PANX1: variants seen among roughly 807,000 people sequenced by gnomAD.
The protein encoded by PANX1 is pannexin 1.
In PANX1, 30 loss-of-function variants were observed where a neutral mutation model predicts 38.7. The ratio of observed to expected loss-of-function variants is 0.78; its 90% CI spans 0.58 to 1.05. The LOEUF is 1.05. PANX1 is among the 50% of genes least tolerant of loss of function. PANX1 has a pLI of 0.00. For missense variants in PANX1, 551 were observed against 517.2 expected (o/e 1.07, Z -0.63); for synonymous variants, 230 against 212.2 (o/e 1.08, Z -0.73).
intron 2 of PANX1, among the ~76,000 whole-genome samples, chr11:94,153,860 A>G (rs371557842): frequency 1.2e-3 from 189 of 152,328 alleles, no homozygotes; most frequent in African/African-American, 4.2e-3. Flanking sequence ...TTTTAGCTCT[A>G]TAACAGCAGG....
chr11:94,167,743 T>C (rs1055826132), intron 2 of PANX1, among the ~76,000 whole-genome samples: 2 of 152,228 alleles, frequency 1.3e-5, no homozygotes, highest in Non-Finnish European at 2.9e-5. Flanking sequence ...TGATTTCAGC[T>C]AACGTTGATT....
chr11:94,129,549 G>A, intron 1 of PANX1, 56 bp downstream of exon 1: 1 of 1,493,140 alleles, frequency 6.7e-7, no homozygotes, highest in Non-Finnish European at 9.2e-7. Flanking sequence ...CCGGTGAGCT[G>A]CGATTTTACG....
intron 2 of PANX1, among the ~76,000 whole-genome samples, chr11:94,170,203 A>G (rs1027090061): frequency 2.0e-5 from 3 of 151,698 alleles, no homozygotes; most frequent in Non-Finnish European, 4.4e-5. Flanking sequence ...TCCATTAAGC[A>G]GTAATTTTCC....
chr11:94,158,670 A>G (rs1053889394), intron 2 of PANX1, among the ~76,000 whole-genome samples: 18 of 152,206 alleles, frequency 1.2e-4, no homozygotes, highest in African/African-American at 3.6e-4. Context: ...GGGTTTTCTA[A>G]ATATACAATC....
At chr11:94,136,315 C>T (rs1946689110) in intron 1 of PANX1, among the ~76,000 whole-genome samples, 1 of 152,138 alleles carries the variant, frequency 6.6e-6, no homozygotes, top group African/African-American at 2.4e-5. Flanking sequence ...GAAAGGGCCT[C>T]CTTCAGGGGG....
chr11:94,143,044 C>G (rs1166242420), intron 1 of PANX1, among the ~76,000 whole-genome samples: 2 of 152,202 alleles, frequency 1.3e-5, no homozygotes, highest in African/African-American at 4.8e-5. Context: ...ATCTCATGAC[C>G]AGTTGTCTAC....
intron 2 of PANX1, among the ~76,000 whole-genome samples, chr11:94,169,735 A>G (rs1051024391): frequency 4.6e-5 from 7 of 151,656 alleles, no homozygotes; most frequent in African/African-American, 1.7e-4. Flanking sequence ...TGCTGGGGCG[A>G]CTGGAAGCTG....
At chr11:94,154,971 T>G (rs758113383) in intron 2 of PANX1, among the ~76,000 whole-genome samples, 23 of 152,164 alleles carry the variant, frequency 1.5e-4, no homozygotes, top group Non-Finnish European at 3.1e-4. Flanking sequence ...GCAAGGTGGG[T>G]GAGGTGGGCG....
rs546369240 is a variant in PANX1 at position 94,165,054 on chromosome 11, C to G, written c.321+11424C>G. ...TATTTTTCAGCCCTTCATTTTCAGCCTATATGTGTCTTATAGGTGAAGTGA... is the reference window on the plus strand; with the variant it reads ...TATTTTTCAGCCCTTCATTTTCAGCGTATATGTGTCTTATAGGTGAAGTGA... On this transcript the variant is annotated intron_variant, in intron 2 of 4. Coordinates refer to ENST00000227638, the MANE Select transcript of PANX1 (RefSeq NM_015368.4). 6.6e-5 allele frequency among the ~76,000 whole-genome samples: 10 copies of G among 152,144 alleles called. 1 individual carries two copies. Among genetic ancestry groups the G allele is most frequent in the African/African-American group, 2.4e-4 (10 of 41,540 alleles).
intron 1 of PANX1, among the ~76,000 whole-genome samples, chr11:94,147,192 A>G (rs1946837200): frequency 6.6e-6 from 1 of 152,238 alleles, no homozygotes; most frequent in African/African-American, 2.4e-5. Flanking sequence ...TAAATAGAGC[A>G]AAATGTCAGT....
chr11:94,149,467 A>G (rs1946861623), intron 1 of PANX1, among the ~76,000 whole-genome samples: 1 of 151,872 alleles, frequency 6.6e-6, no homozygotes, highest in Non-Finnish European at 1.5e-5. Flanking sequence ...TATTTAATGG[A>G]TGTTGTGGCT....
rs184332196 is a variant in PANX1, at chr11:94,134,421, G to T, written c.181+4928G>T. Among the ~76,000 whole-genome samples, 539 of 152,266 alleles carry T rather than the reference G, an allele frequency of 3.5e-3. 3 individuals are homozygous for T. Among genetic ancestry groups the T allele is most frequent in the African/African-American group, 0.012 (500 of 41,552 alleles). Reference sequence around the variant, plus strand: ...ACCTTCAAGCTCTGAAATTCTAGAAGTATTTCTCTAAAGTTATGAATTCCC... The same window carrying T: ...ACCTTCAAGCTCTGAAATTCTAGAATTATTTCTCTAAAGTTATGAATTCCC... On this transcript the variant is annotated intron_variant, in intron 1 of 4. Transcript: ENST00000227638.
At chr11:94,130,202 A>T (rs541756376) in intron 1 of PANX1, among the ~76,000 whole-genome samples, 3 of 152,234 alleles carry the variant, frequency 2.0e-5, no homozygotes, top group Admixed American at 6.5e-5. Flanking sequence ...CACAGGAGAG[A>T]GTGTTTATGA....
rs182589735 is a variant in PANX1, at chr11:94,160,608, C to T, written c.321+6978C>T. On this transcript the variant is annotated intron_variant, in intron 2 of 4. Coordinates refer to ENST00000227638, the MANE Select transcript of PANX1 (RefSeq NM_015368.4). ...TCTTCCTCCACCCCTTTATTTTGAGCCTATGTTTGTCTCTGCATGTGAGAT... is the reference window on the plus strand; with the variant it reads ...TCTTCCTCCACCCCTTTATTTTGAGTCTATGTTTGTCTCTGCATGTGAGAT... Among the ~76,000 whole-genome samples, 8 of 152,224 alleles carry T rather than the reference C, an allele frequency of 5.3e-5. No individual in the cohort carries two copies. The East Asian group carries it at 1.5e-3, about 29-fold the overall frequency.
intron 1 of PANX1, among the ~76,000 whole-genome samples, chr11:94,132,727 A>C (rs1238640983): frequency 6.6e-6 from 1 of 152,332 alleles, no homozygotes; most frequent in African/African-American, 2.4e-5. Context: ...AATCCCCTCA[A>C]GCGTAAAATA....
intron 2 of PANX1, among the ~76,000 whole-genome samples, chr11:94,162,088 T>G (rs1039436367): frequency 7.9e-5 from 12 of 152,274 alleles, no homozygotes; most frequent in Non-Finnish European, 1.5e-5. Flanking sequence ...AAGTTTTGTC[T>G]CAGAGGAGTA....
chr11:94,153,504 C>T lies in PANX1; in HGVS notation c.195C>T (p.Ser65=), dbSNP rs556989575. 2 of 1,614,150 alleles carry T rather than the reference C, an allele frequency of 1.2e-6. No individual in the cohort carries two copies. The highest frequency in any genetic ancestry group is 1.1e-5 in the South Asian group (1 of 91,084). ...TTTGCTTCTTAGGTACACAGATAAG[C>T]TGTTTCTCTCCAAGTTCTTTCTCCT... The part of the protein sequence containing the change: ...AQEISIGTQI[S]CFSPSSFSWR... Residue 65 remains serine, a synonymous_variant, in exon 2 of 5, where the codon AGC becomes AGT. Transcript: ENST00000227638.
intron 1 of PANX1, among the ~76,000 whole-genome samples, chr11:94,130,311 G>A (rs995991144): frequency 2.0e-5 from 3 of 152,306 alleles, no homozygotes; most frequent in African/African-American, 7.2e-5. Flanking sequence ...TTTTGTCAGA[G>A]GGTGGGTGGG....
intron 2 of PANX1, among the ~76,000 whole-genome samples, chr11:94,165,787 G>A (rs190579158): frequency 8.3e-4 from 126 of 152,240 alleles, no homozygotes; most frequent in African/African-American, 2.9e-3. Flanking sequence ...GTGCATGCCT[G>A]TAATCCCAGC....
Sources: gnomAD v4.1 joint callset for allele counts (sites outside exome capture counted in the v4.1 genomes callset) on GRCh38, gnomAD v4.1.1 for gene constraint, MANE v1.5 for transcripts, NCBI Gene and HGNC (gene_info 2026-07-23, HGNC 2026-07-21) for gene names.